The following THSD7A variants were observed in gnomAD, a reference collection of about 807,000 sequenced individuals.
The protein encoded by THSD7A is thrombospondin type 1 domain containing 7A.
In THSD7A, 96 loss-of-function variants were observed where a neutral mutation model predicts 231.3. That is an observed-to-expected ratio of 0.41 (90% CI 0.35 to 0.49). The LOEUF is 0.49. Among genes scored for constraint, THSD7A ranks in the 20% least tolerant of loss-of-function variants. The probability of loss-of-function intolerance (pLI) is 0.05; values close to 1 mark genes in which losing one functional copy is unlikely to be tolerated. For synonymous variants in THSD7A, 940 were observed against 743.3 expected (o/e 1.26, Z -4.30); for missense variants, 2,290 against 2,070.2 (o/e 1.11, Z -2.06).
chr7:11,736,819 T>C (rs1209088792), intron 1 of THSD7A, among the ~76,000 whole-genome samples: 1 of 151,996 alleles, frequency 6.6e-6, no homozygotes, highest in African/African-American at 2.4e-5. Context: ...CACCCAAATC[T>C]CATCTTAAAT....
chr7:11,616,330 G>C (rs1781100729), intron 2 of THSD7A, among the ~76,000 whole-genome samples: 1 of 152,052 alleles, frequency 6.6e-6, no homozygotes, highest in African/African-American at 2.4e-5. Flanking sequence ...TTCAGACTGT[G>C]GTGCTGACTT....
At chr7:11,619,277 T>C (rs1234386087) in intron 2 of THSD7A, among the ~76,000 whole-genome samples, 1 of 152,102 alleles carries the variant, frequency 6.6e-6, no homozygotes, top group Non-Finnish European at 1.5e-5. Context: ...ACTATGATCT[T>C]TGTCTTTATC....
chr7:11,561,701 C>T (rs927095290), intron 4 of THSD7A, among the ~76,000 whole-genome samples: 1 of 152,110 alleles, frequency 6.6e-6, no homozygotes, highest in Non-Finnish European at 1.5e-5. Flanking sequence ...AAAACCCCAA[C>T]TCTACTAAAA....
intron 1 of THSD7A, among the ~76,000 whole-genome samples, chr7:11,639,649 C>T (rs895946381): frequency 4.6e-5 from 7 of 151,384 alleles, no homozygotes; most frequent in Non-Finnish European, 1.0e-4. Context: ...GCCTGGGCAA[C>T]AGATTGAGAC....
intron 1 of THSD7A, among the ~76,000 whole-genome samples, chr7:11,807,320 C>G (rs2128183224): frequency 6.6e-6 from 1 of 152,240 alleles, no homozygotes; most frequent in Middle Eastern, 3.4e-3. Context: ...ATATTTCAAA[C>G]TGGCTGTTAG....
At chr7:11,810,516 T>C (rs908413295) in intron 1 of THSD7A, among the ~76,000 whole-genome samples, 1 of 152,150 alleles carries the variant, frequency 6.6e-6, no homozygotes, top group Non-Finnish European at 1.5e-5. Flanking sequence ...AGTAAAATGT[T>C]TGTGCAGTAA....
chr7:11,618,519 G>A (rs1584092113), intron 2 of THSD7A, among the ~76,000 whole-genome samples: 2 of 152,018 alleles, frequency 1.3e-5, no homozygotes, highest in Non-Finnish European at 2.9e-5. Flanking sequence ...GAGAAGAATA[G>A]GGCGGGGCGC....
chr7:11,733,527 A>G (rs1038817346), intron 1 of THSD7A, among the ~76,000 whole-genome samples: 1 of 151,826 alleles, frequency 6.6e-6, no homozygotes, highest in African/African-American at 2.4e-5. Flanking sequence ...TTTGAGGTAG[A>G]GAAAAGTGGC....
chr7:11,621,331 A>C (rs1478373544), intron 2 of THSD7A, among the ~76,000 whole-genome samples: 2 of 152,156 alleles, frequency 1.3e-5, no homozygotes, highest in East Asian at 3.9e-4. Flanking sequence ...ACATATCATC[A>C]GTTTAAACTA....
chr7:11,776,565 G>C (rs538067327), intron 1 of THSD7A, among the ~76,000 whole-genome samples: 1 of 152,244 alleles, frequency 6.6e-6, no homozygotes, highest in Admixed American at 6.5e-5. Flanking sequence ...TTGAAGCACT[G>C]TATAAGGTTT....
At chr7:11,532,412 T>A (rs191964041) in intron 6 of THSD7A, among the ~76,000 whole-genome samples, 1 of 152,156 alleles carries the variant, frequency 6.6e-6, no homozygotes, top group Non-Finnish European at 1.5e-5. Context: ...ACAAGTAGAA[T>A]TGGCTTTGAG....
intron 1 of THSD7A, among the ~76,000 whole-genome samples, chr7:11,774,374 G>T (rs1452558382): frequency 2.0e-5 from 3 of 152,036 alleles, no homozygotes; most frequent in Admixed American, 1.3e-4. Flanking sequence ...CTTAAGTTAG[G>T]CAAGATAAAT....
At chr7:11,420,871 A>T (rs1784121321) in intron 16 of THSD7A, among the ~76,000 whole-genome samples, 1 of 152,154 alleles carries the variant, frequency 6.6e-6, no homozygotes, top group South Asian at 2.1e-4. Context: ...GTCAAAGGAG[A>T]TTATTTTGAA....
chr7:11,416,896 A>G (rs551828579), intron 17 of THSD7A, among the ~76,000 whole-genome samples: 1 of 152,258 alleles, frequency 6.6e-6, no homozygotes, highest in South Asian at 2.1e-4. Flanking sequence ...GCCCAAAGAG[A>G]CACAGAGTCA....
At chr7:11,772,337 A>G (rs1268005474) in intron 1 of THSD7A, among the ~76,000 whole-genome samples, 1 of 152,234 alleles carries the variant, frequency 6.6e-6, no homozygotes, top group African/African-American at 2.4e-5. Flanking sequence ...AACTTAAAAC[A>G]GAACTACCAT....
At chr7:11,412,495 G>C (rs1041326192) in intron 18 of THSD7A, among the ~76,000 whole-genome samples, 161 bp downstream of exon 18, 10 of 151,938 alleles carry the variant, frequency 6.6e-5, no homozygotes, top group African/African-American at 2.4e-4. Flanking sequence ...AAAAAACCCA[G>C]ATAAGTATTT....
In THSD7A at chr7:11,599,392, G is replaced by A. The variant is rs372487275; in HGVS notation, c.1023-5890C>T. Reference sequence around the variant, plus strand: ...AGTCATCAATACCAGCTACGACCACGTGGCCAGCTGCAGAAAAGAAGACCG... The same window carrying A: ...AGTCATCAATACCAGCTACGACCACATGGCCAGCTGCAGAAAAGAAGACCG... On this transcript the variant is annotated intron_variant, in intron 2 of 27. Coordinates refer to ENST00000423059, the MANE Select transcript of THSD7A (RefSeq NM_015204.3). Among the ~76,000 whole-genome samples the A allele has an allele frequency of 1.0e-3, 157 of 152,278 alleles. 2 individuals carry two copies. The highest frequency in any genetic ancestry group is 9.9e-3 in the East Asian group (51 of 5,162).
intron 4 of THSD7A, among the ~76,000 whole-genome samples, chr7:11,564,675 C>T (rs1790229147): frequency 6.6e-6 from 1 of 152,050 alleles, no homozygotes; most frequent in African/African-American, 2.4e-5. Context: ...TAGGGTTTTC[C>T]CTATTTGTAT....
intron 16 of THSD7A, among the ~76,000 whole-genome samples, chr7:11,423,311 G>T (rs551755265): frequency 2.6e-5 from 4 of 151,416 alleles, no homozygotes; most frequent in Admixed American, 2.6e-4. Context: ...TTAAATGCAT[G>T]AAAGGTTGGG....
Sources: allele counts gnomAD v4.1 joint callset (sites outside exome capture counted in the v4.1 genomes callset), GRCh38; gene constraint gnomAD v4.1.1; transcripts MANE v1.5; gene names NCBI Gene and HGNC (gene_info 2026-07-23, HGNC 2026-07-21).